Variants in MYO1D observed in about 807,000 individuals in gnomAD.
MYO1D encodes myosin ID.
Under a neutral mutation model 122.0 loss-of-function variants are expected in MYO1D, and 83 were observed. The ratio of observed to expected loss-of-function variants is 0.68; its 90% confidence interval spans 0.57 to 0.82. The LOEUF is 0.82. MYO1D is among the 40% of genes least tolerant of loss of function. MYO1D has a pLI of 0.00. For synonymous variants in MYO1D, 464 were observed against 446.9 expected, an observed-to-expected ratio of 1.04 and a Z score of -0.48; for missense variants, 1,157 against 1,269.5, an observed-to-expected ratio of 0.91 and a Z score of 1.35.
chr17:32,662,587 C>T (rs1034128355), intron 16 of MYO1D, among the ~76,000 whole-genome samples: 6 of 151,942 alleles, frequency 3.9e-5, no homozygotes, highest in African/African-American at 7.3e-5. Flanking sequence ...GCAGGAGAAT[C>T]GCCTGAACCT....
chr17:32,540,583 A>G (rs1243213436), intron 21 of MYO1D, among the ~76,000 whole-genome samples: 1 of 152,164 alleles, frequency 6.6e-6, no homozygotes, highest in African/African-American at 2.4e-5. Context: ...TGCAAATCAA[A>G]ACTACACTGA....
chr17:32,719,423 C>T (rs1003155578), intron 15 of MYO1D, among the ~76,000 whole-genome samples: 5 of 149,770 alleles, frequency 3.3e-5, no homozygotes, highest in African/African-American at 1.2e-4. Flanking sequence ...GATCTTGGCT[C>T]ACTGCAAGCT....
rs144610212 is a variant in MYO1D, at chr17:32,577,175, C to A, written c.2864+27912G>T. Among the ~76,000 whole-genome samples the A allele has an allele frequency of 3.4e-5, 5 of 146,268 alleles. No homozygotes were observed. In the South Asian group the frequency reaches 1.1e-3, roughly 32 times the overall value. On this transcript the variant is annotated intron_variant, in intron 21 of 21. Transcript: ENST00000318217. ...GTGAGACAGGAGAATCACTTGAACC[C>A]GGGAGGCGGAGCTTGCAGTGAGCCG...
chr17:32,639,577 C>A (rs1252947279), intron 19 of MYO1D, among the ~76,000 whole-genome samples: 5 of 151,774 alleles, frequency 3.3e-5, no homozygotes, highest in African/African-American at 1.2e-4. Flanking sequence ...ACTCTGTCAC[C>A]CAAGATAGTG....
intron 19 of MYO1D, among the ~76,000 whole-genome samples, chr17:32,640,524 G>A (rs1049758243): frequency 7.8e-6 from 1 of 127,898 alleles, no homozygotes; most frequent in African/African-American, 3.1e-5. Context: ...CCCTTCCTGT[G>A]TCCATGTGAT....
chr17:32,741,660 G>A (rs894562653), intron 13 of MYO1D, among the ~76,000 whole-genome samples: 7 of 152,092 alleles, frequency 4.6e-5, no homozygotes, highest in Non-Finnish European at 7.3e-5. Flanking sequence ...TCCCAAGCAC[G>A]TTTTCCAACA....
chr17:32,727,268 C>T (rs1180145304), intron 14 of MYO1D, among the ~76,000 whole-genome samples: 1 of 152,182 alleles, frequency 6.6e-6, no homozygotes, highest in Non-Finnish European at 1.5e-5. Flanking sequence ...GAGATGAGAT[C>T]CACATTGGAC....
At chr17:32,574,154 CTTGT>C (rs2087257260) in intron 21 of MYO1D, among the ~76,000 whole-genome samples, 1 of 151,990 alleles carries the variant, frequency 6.6e-6, no homozygotes, top group Non-Finnish European at 1.5e-5. Flanking sequence ...GCCCGGCCCC[CTTGT>C]TTATTTTTAA....
chr17:32,721,325 A>ACTACTTTATTCAC, intron 14 of MYO1D, 136 bp from the exon 15 acceptor site: 5 of 800,374 alleles, frequency 6.2e-6, no homozygotes, highest in Non-Finnish European at 9.7e-6. Context: ...CTTGTGAATA[A>ACTACTTTATTCAC]AGTAGTTATT....
At chr17:32,710,613 C>T (rs531703897) in intron 16 of MYO1D, among the ~76,000 whole-genome samples, 5 of 151,992 alleles carry the variant, frequency 3.3e-5, no homozygotes, top group Admixed American at 6.6e-5. Flanking sequence ...ATTAAGAATT[C>T]GGTCCACAAA....
intron 16 of MYO1D, among the ~76,000 whole-genome samples, chr17:32,674,650 A>C (rs1255114035): frequency 6.6e-6 from 1 of 152,212 alleles, no homozygotes; most frequent in Non-Finnish European, 1.5e-5. Flanking sequence ...GTCATATATA[A>C]TATTTTCTTG....
intron 1 of MYO1D, among the ~76,000 whole-genome samples, chr17:32,857,109 T>C (rs1330691896): frequency 6.6e-6 from 1 of 152,248 alleles, no homozygotes; most frequent in Non-Finnish European, 1.5e-5. Flanking sequence ...GTTTCATACC[T>C]GTATAACACC....
At chr17:32,549,272 T>A (rs770772002) in intron 21 of MYO1D, among the ~76,000 whole-genome samples, 3 of 152,162 alleles carry the variant, frequency 2.0e-5, no homozygotes, top group Non-Finnish European at 4.4e-5. Context: ...TTGTTCATTA[T>A]TTTTGTAGAG....
At chr17:32,686,614 C>G (rs2089010547) in intron 16 of MYO1D, 1 of 152,100 alleles carries the variant, frequency 6.6e-6, no homozygotes, top group Admixed American at 6.5e-5. Flanking sequence ...GCCTGTAATC[C>G]CAGTACTTTG....
chr17:32,851,266 A>G (rs759920099), intron 1 of MYO1D, among the ~76,000 whole-genome samples: 13 of 152,150 alleles, frequency 8.5e-5, no homozygotes, highest in South Asian at 2.1e-4. Context: ...ACTTCCTGCC[A>G]CTTTACCTAC....
intron 21 of MYO1D, among the ~76,000 whole-genome samples, chr17:32,543,106 G>A (rs1235578596): frequency 6.6e-6 from 1 of 151,012 alleles, no homozygotes; most frequent in Non-Finnish European, 1.5e-5. Flanking sequence ...GGCGCCTGTA[G>A]TCCCAGCTAC....
intron 19 of MYO1D, among the ~76,000 whole-genome samples, chr17:32,653,338 G>C (rs1343985063): frequency 6.6e-6 from 1 of 151,326 alleles, no homozygotes; most frequent in Non-Finnish European, 1.5e-5. Context: ...TGGGCATGGT[G>C]AGTCAGTCCT....
chr17:32,670,066 GTCT>G (rs1264966880), intron 16 of MYO1D, among the ~76,000 whole-genome samples: 2 of 151,728 alleles, frequency 1.3e-5, no homozygotes, highest in African/African-American at 4.8e-5. Flanking sequence ...GCTAAGTTTT[GTCT>G]TTTTTTAGTA....
chr17:32,675,684 G>T (rs1277753481), intron 16 of MYO1D, among the ~76,000 whole-genome samples: 2 of 151,768 alleles, frequency 1.3e-5, no homozygotes, highest in Non-Finnish European at 2.9e-5. Context: ...TTTTCTTTGG[G>T]TTTCTATTTT....
Sources: allele counts gnomAD v4.1 joint callset (sites outside exome capture counted in the v4.1 genomes callset), GRCh38; gene constraint gnomAD v4.1.1; transcripts MANE v1.5; gene names NCBI Gene and HGNC (gene_info 2026-07-23, HGNC 2026-07-21).